Variants in MYO5C observed in about 807,000 individuals in gnomAD.
MYO5C encodes the protein myosin VC.
MYO5C carries 194 observed loss-of-function variants against 235.7 expected under a neutral mutation model. That is an observed-to-expected ratio of 0.82 (90% CI 0.73 to 0.93). The LOEUF (loss-of-function observed/expected upper bound fraction) is 0.93, where lower values mean the gene tolerates loss of function less well. Ranked by LOEUF, MYO5C falls within the 40% of genes least tolerant of loss-of-function variation. The pLI is 0.00. For missense variants in MYO5C, 2,038 were observed against 2,127.2 expected (o/e 0.96, Z 0.82); for synonymous variants, 707 against 754.8 (o/e 0.94, Z 1.04).
chr15:52,266,952 G>T (rs916208849), intron 8 of MYO5C, among the ~76,000 whole-genome samples: 2 of 152,086 alleles, frequency 1.3e-5, no homozygotes, highest in African/African-American at 2.4e-5. Flanking sequence ...GAGAGGACAC[G>T]GTACTCTACC....
At chr15:52,261,357 C>A (rs1342846817) in intron 9 of MYO5C, among the ~76,000 whole-genome samples, 2 of 152,222 alleles carry the variant, frequency 1.3e-5, no homozygotes, top group Non-Finnish European at 2.9e-5. Flanking sequence ...TGCAGCAATG[C>A]CAGGGAGTCC....
At chr15:52,286,354 C>T (rs1202831090) in intron 1 of MYO5C, among the ~76,000 whole-genome samples, 6 of 138,674 alleles carry the variant, frequency 4.3e-5, no homozygotes, top group South Asian at 2.4e-4. Flanking sequence ...CCGCCCCGTC[C>T]GGGAGGTGAG....
intron 39 of MYO5C, among the ~76,000 whole-genome samples, 168 bp downstream of exon 39, chr15:52,196,141 A>G (rs1320567839): frequency 6.6e-6 from 1 of 151,888 alleles, no homozygotes; most frequent in Admixed American, 6.6e-5. Context: ...TAGTGTTAGT[A>G]TTTAATAAAT....
At chr15:52,259,457 A>G (rs1566983491) in intron 10 of MYO5C, among the ~76,000 whole-genome samples, 1 of 151,896 alleles carries the variant, frequency 6.6e-6, no homozygotes, top group Non-Finnish European at 1.5e-5. Context: ...GAAATAATAT[A>G]CTGTTAAAAT....
At chr15:52,272,760 A>G in intron 5 of MYO5C, 37 bp from the exon 6 acceptor site, 1 of 1,603,234 alleles carries the variant, frequency 6.2e-7, no homozygotes, top group Non-Finnish European at 8.5e-7. Context: ...TAACAACATT[A>G]AAAGATTTTT....
At chr15:52,254,406 G>A (rs2036539135) in intron 11 of MYO5C, among the ~76,000 whole-genome samples, 1 of 152,188 alleles carries the variant, frequency 6.6e-6, no homozygotes, top group African/African-American at 2.4e-5. Context: ...TCCATGGCGT[G>A]ACTTGACCAC....
chr15:52,248,922 G>A, intron 13 of MYO5C, 139 bp from the exon 14 acceptor site: 1 of 631,748 alleles, frequency 1.6e-6, no homozygotes, highest in Non-Finnish European at 2.8e-6. Context: ...TGGCTTCTGT[G>A]CATCATGGCA....
intron 1 of MYO5C, among the ~76,000 whole-genome samples, chr15:52,290,808 G>A (rs1310302717): frequency 6.6e-6 from 1 of 152,086 alleles, no homozygotes; most frequent in Non-Finnish European, 1.5e-5. Context: ...CTACAGAAAC[G>A]CTGGGCACTA....
chr15:52,225,524 A>C lies in MYO5C; in HGVS notation c.3216T>G (p.Ser1072=), dbSNP rs1345561906. 1.2e-6 allele frequency: 2 copies of C among 1,611,282 alleles called. No individual in the cohort carries two copies. Among genetic ancestry groups the C allele is most frequent in the African/African-American group, 2.7e-5 (2 of 74,914 alleles). ...ARLSKQVKTI[S]EFEKEIELLQ... is the part of the protein sequence containing the mutation. ...GTAGTTCTATCTCTTTTTCGAACTC[A>C]GAGATTGTCTGAATCACAGCAATGA... The change falls in exon 26 of 41, where the codon TCT becomes TCG. Residue 1072 remains serine (S), a synonymous_variant. Transcript: ENST00000261839.
rs1324389864 is a variant in MYO5C at position 52,247,670 on chromosome 15, GACA to G, written c.1747-81_1747-79del. On this transcript the variant is annotated intron_variant, in intron 14 of 40. Transcript: ENST00000261839. Reference sequence around the variant, plus strand: ...CACTCATACAAGCCACGTAAATGGTGACAACAACTCAGCTAAACTAGTGGGCGG... The same window carrying G: ...CACTCATACAAGCCACGTAAATGGTGACAACTCAGCTAAACTAGTGGGCGG... 2.4e-5 allele frequency: 37 copies of G among 1,517,714 alleles called. No homozygotes were observed. The East Asian group carries it at 6.2e-4, about 25-fold the overall frequency. The allele number at this position is 1,517,714 out of a possible 1,614,324, so 94.0% of individuals were successfully genotyped here. A position where few individuals can be genotyped will look rare whatever the true frequency, so the allele number is the denominator to read the frequency against.
In MYO5C at chr15:52,193,686, A is replaced by G; in HGVS notation, c.*216T>C. 1.9e-6 allele frequency: 1 copy of G among 523,268 alleles called. No homozygotes were observed. Among genetic ancestry groups the G allele is most frequent in the East Asian group, 3.7e-5 (1 of 27,310 alleles). 32.4% of individuals were successfully genotyped at this position (523,268 alleles called of 1,614,324 possible). On this transcript the variant is annotated 3_prime_UTR_variant, in exon 41 of 41. Coordinates refer to ENST00000261839, the MANE Select transcript of MYO5C (RefSeq NM_018728.4). ...ACCAGCTGAGATTCGAGAGTGAGAC[A>G]TGGCTTTTCCAAATACAGCTGGTGT...
intron 36 of MYO5C, among the ~76,000 whole-genome samples, chr15:52,207,448 A>T (rs11639108): frequency 0.85 from 129,439 of 152,168 alleles, 56,653 homozygotes; most frequent in Non-Finnish European, 0.96. Flanking sequence ...ATAGTACTAG[A>T]CAGATTGCTG....
In MYO5C at chr15:52,295,425, G is replaced by C. The variant is rs546162343; in HGVS notation, c.27+185C>G. On this transcript the variant is annotated intron_variant, in intron 1 of 40. Transcript: ENST00000261839. ...CACGCCGGGGCCCTGGAGGGGCGAC[G>C]CTCGCTCGTGTCCCCGGTCCCCGTG... is the stretch of plus-strand genomic sequence containing the variant. Among the ~76,000 whole-genome samples, 114 of 152,244 alleles carry C rather than the reference G, an allele frequency of 7.5e-4. 1 individual carries two copies. In the South Asian group the frequency reaches 0.012, roughly 16 times the overall value.
At chr15:52,237,982 A>C (rs1302053095) in intron 21 of MYO5C, among the ~76,000 whole-genome samples, 1 of 150,422 alleles carries the variant, frequency 6.6e-6, no homozygotes, top group Non-Finnish European at 1.5e-5. Context: ...CGCTGTTTTG[A>C]AGACAGGGTC....
chr15:52,279,120 CTGTG>C, intron 3 of MYO5C, 103 bp from the exon 4 acceptor site: 1 of 1,268,878 alleles, frequency 7.9e-7, no homozygotes, highest in Non-Finnish European at 1.1e-6. Flanking sequence ...ATTAAACCTT[CTGTG>C]TGACTTTGGG....
At chr15:52,194,088 AAACT>A (rs2034937747) in intron 40 of MYO5C, 34 bp from the exon 41 acceptor site, 1 of 1,601,916 alleles carries the variant, frequency 6.2e-7, no homozygotes, top group African/African-American at 1.3e-5. Context: ...ATGAGTAAGG[AAACT>A]AACATGTTCT....
At chr15:52,291,821 C>G (rs1377698251) in intron 1 of MYO5C, among the ~76,000 whole-genome samples, 2 of 137,782 alleles carry the variant, frequency 1.5e-5, no homozygotes, top group African/African-American at 5.4e-5. Flanking sequence ...TCACTGCAAG[C>G]TTCGCCTCCC....
chr15:52,256,210 G>A (rs1596198635), intron 11 of MYO5C, among the ~76,000 whole-genome samples: 1 of 152,124 alleles, frequency 6.6e-6, no homozygotes, highest in East Asian at 1.9e-4. Flanking sequence ...GAGGCTCTCA[G>A]GGAAGCTGGA....
chr15:52,280,989 C>T (rs995673552), intron 2 of MYO5C, among the ~76,000 whole-genome samples: 1 of 152,216 alleles, frequency 6.6e-6, no homozygotes, highest in African/African-American at 2.4e-5. Flanking sequence ...CTCCTGCTCC[C>T]CTGTTACCAA....
Sources: gnomAD v4.1 joint callset for allele counts (sites outside exome capture counted in the v4.1 genomes callset) on GRCh38, gnomAD v4.1.1 for gene constraint, MANE v1.5 for transcripts, NCBI Gene and HGNC (gene_info 2026-07-23, HGNC 2026-07-21) for gene names.